The following RBM4 variants were observed in gnomAD, a reference collection of about 807,000 sequenced individuals.
RBM4 encodes RNA-binding protein 4.
RBM4 carries 7 observed loss-of-function variants against 29.5 expected under a neutral mutation model. The observed-to-expected ratio is 0.24, with a 90% confidence interval of 0.14 to 0.45. The LOEUF (loss-of-function observed/expected upper bound fraction) is 0.45. RBM4 is among the 20% of genes least tolerant of loss of function. The probability of loss-of-function intolerance (pLI) is 1.00; values close to 1 mark genes in which losing one functional copy is unlikely to be tolerated. For synonymous variants in RBM4, 220 were observed against 205.4 expected, an observed-to-expected ratio of 1.07 and a Z score of -0.61; for missense variants, 387 against 502.3, an observed-to-expected ratio of 0.77 and a Z score of 2.19.
intron 2 of RBM4, among the ~76,000 whole-genome samples, chr11:66,655,908 T>G (rs1469240779): frequency 6.6e-6 from 1 of 152,212 alleles, no homozygotes; most frequent in East Asian, 1.9e-4. Context: ...AGTTTTTTTT[T>G]TAAACACCCT....
downstream of RBM4, among the ~76,000 whole-genome samples, chr11:66,651,441 G>A (rs888652130): frequency 1.3e-4 from 19 of 151,446 alleles, no homozygotes; most frequent in African/African-American, 4.4e-4. Flanking sequence ...TCCACCTCCC[G>A]GGTTCACGCC....
chr11:66,649,100 GT>G (rs1341030600), downstream of RBM4, among the ~76,000 whole-genome samples: 6 of 151,980 alleles, frequency 3.9e-5, no homozygotes, highest in African/African-American at 1.5e-4. Context: ...TCTGCCTCCC[GT>G]GTTCAAGTGA....
chr11:66,644,164 C>T, intron 3 of RBM4, 24 bp downstream of exon 3: 1 of 1,584,628 alleles, frequency 6.3e-7, no homozygotes, highest in South Asian at 1.2e-5. Flanking sequence ...GGTGTTCCCT[C>T]TTCTGGTTTT....
At chr11:66,657,929 A>G (rs1203010648) in intron 2 of RBM4, among the ~76,000 whole-genome samples, 12 of 152,132 alleles carry the variant, frequency 7.9e-5, no homozygotes. Context: ...CATGTTGCCC[A>G]GGCTGGTCTT....
At chr11:66,654,747 C>T (rs960624934) in intron 2 of RBM4, among the ~76,000 whole-genome samples, 6 of 149,434 alleles carry the variant, frequency 4.0e-5, no homozygotes, top group Admixed American at 2.7e-4. Flanking sequence ...TGAACTCCTG[C>T]GCTTAAGTGA....
intron 2 of RBM4, among the ~76,000 whole-genome samples, chr11:66,655,287 TTC>T (rs1284386351): frequency 2.0e-5 from 3 of 151,316 alleles, no homozygotes; most frequent in Admixed American, 1.3e-4. Context: ...CACTCGGCAC[TTC>T]TTTTCTTTTT....
At chr11:66,648,634 G>A (rs1938759906), downstream of RBM4, among the ~76,000 whole-genome samples, 1 of 152,016 alleles carries the variant, frequency 6.6e-6, no homozygotes, top group Non-Finnish European at 1.5e-5. Flanking sequence ...GGCCAACTTG[G>A]TGAAACCCCA....
Position 66,664,455 on chromosome 11 carries a change from A to G in RBM4, c.413-1401A>G, listed in dbSNP as rs1424871292. On this transcript the variant is annotated intron_variant, in intron 2 of 2. Transcript: ENST00000396053. Reference sequence around the variant, plus strand: ...GTGAGCTATCGCGCCTGGCCAACTAATTTTGTTGTTTTTGTTTCTTTTGAG... The same window carrying G: ...GTGAGCTATCGCGCCTGGCCAACTAGTTTTGTTGTTTTTGTTTCTTTTGAG... Among the ~76,000 whole-genome samples, 3 of 151,106 alleles carry G rather than the reference A, an allele frequency of 2.0e-5. No individual in the cohort carries two copies. The East Asian group carries it at 5.9e-4, about 30-fold the overall frequency.
chr11:66,662,443 C>G (rs1939101507), intron 2 of RBM4, among the ~76,000 whole-genome samples: 1 of 151,978 alleles, frequency 6.6e-6, no homozygotes, highest in African/African-American at 2.4e-5. Flanking sequence ...ACTCTGTTGC[C>G]CAGGCTGGAG....
rs1273713492 is a variant in RBM4, at chr11:66,639,908, A to G, written c.197A>G (p.Asn66Ser). 2 of 1,614,206 alleles carry G rather than the reference A, an allele frequency of 1.2e-6. No individual in the cohort carries two copies. Among genetic ancestry groups the G allele is most frequent in the South Asian group, 1.1e-5 (1 of 91,080 alleles). ...TACAAGCTTCATGGGGTGAACATCAACGTGGAAGCCAGCAAGAATAAGAGC... is the reference window on the plus strand; with the variant it reads ...TACAAGCTTCATGGGGTGAACATCAGCGTGGAAGCCAGCAAGAATAAGAGC... ...HHYKLHGVNI[N>S]VEASKNKSKT... The change falls in exon 2 of 4, where the codon AAC becomes AGC. Residue 66 changes from asparagine to serine, a missense_variant. Asn to Ser is a conservative substitution (Grantham distance 46). Coordinates refer to ENST00000310092, the MANE Select transcript of RBM4 (RefSeq NM_002896.4).
chr11:66,658,897 A>T (rs1939015626), intron 2 of RBM4, among the ~76,000 whole-genome samples: 1 of 150,970 alleles, frequency 6.6e-6, no homozygotes, highest in Admixed American at 6.6e-5. Context: ...AGATTGGGCC[A>T]CGGCACTCTA....
chr11:66,661,560 T>C (rs1939084014), intron 2 of RBM4, among the ~76,000 whole-genome samples: 1 of 152,204 alleles, frequency 6.6e-6, no homozygotes, highest in African/African-American at 2.4e-5. Context: ...TTCATCACCA[T>C]GTTCCCACAT....
At chr11:66,649,820 T>A (rs1339559746), downstream of RBM4, 1 of 695,154 alleles carries the variant, frequency 1.4e-6, no homozygotes, top group African/African-American at 1.8e-5. Flanking sequence ...CAAGGGATCC[T>A]CCCGCCTTGG....
At chr11:66,667,072 T>C (rs1347963644) in exon 3 of RBM4, 1 of 152,148 alleles carries the variant, frequency 6.6e-6, no homozygotes, top group East Asian at 1.9e-4. Context: ...GCTGCTTTGT[T>C]ATCTTCTACA....
At chr11:66,655,479 G>A (rs947015942) in intron 2 of RBM4, among the ~76,000 whole-genome samples, 5 of 151,940 alleles carry the variant, frequency 3.3e-5, no homozygotes, top group Non-Finnish European at 5.9e-5. Context: ...ACAGGGTTTC[G>A]CTATGTTGCC....
intron 2 of RBM4, among the ~76,000 whole-genome samples, chr11:66,654,686 T>TG (rs988057317): frequency 7.2e-6 from 1 of 138,704 alleles, no homozygotes; most frequent in African/African-American, 2.6e-5. Flanking sequence ...TTAATTTTGT[T>TG]TTTTTTTTTT....
intron 2 of RBM4, among the ~76,000 whole-genome samples, chr11:66,661,606 T>C (rs1939084831): frequency 6.6e-6 from 1 of 152,226 alleles, no homozygotes; most frequent in Non-Finnish European, 1.5e-5. Flanking sequence ...AGTTGATAAA[T>C]GAATTCAGGA....
exon 3 of RBM4, chr11:66,668,141 T>C: frequency 6.2e-6 from 1 of 162,054 alleles, no homozygotes; most frequent in East Asian, 1.7e-4. Flanking sequence ...CGAGTATGGG[T>C]TTTGGTATCA....
intron 3 of RBM4, chr11:66,644,433 A>G (rs1228132984): frequency 6.4e-6 from 2 of 310,418 alleles, no homozygotes; most frequent in African/African-American, 2.2e-5. Flanking sequence ...CCTATGTACT[A>G]TACTATAATT....
Sources: gnomAD v4.1 joint callset for allele counts (sites outside exome capture counted in the v4.1 genomes callset) on GRCh38, gnomAD v4.1.1 for gene constraint, MANE v1.5 for transcripts, NCBI Gene and HGNC (gene_info 2026-07-23, HGNC 2026-07-21) for gene names.